The following CDK19 variants were observed in gnomAD, a reference collection of about 807,000 sequenced individuals.
The protein encoded by CDK19 is cyclin dependent kinase 19, also known as cyclin-dependent kinase 19.
In CDK19, 20 loss-of-function variants were observed where a neutral mutation model predicts 68.3. The observed-to-expected ratio is 0.29, with a 90% CI of 0.21 to 0.43. CDK19 has a LOEUF of 0.43. CDK19 is among the 20% of genes least tolerant of loss of function. The pLI is 1.00. For synonymous variants in CDK19, 221 were observed against 222.8 expected, an observed-to-expected ratio of 0.99 and a Z score of 0.07; for missense variants, 339 against 623.5, an observed-to-expected ratio of 0.54 and a Z score of 4.86.
chr6:110,682,125 T>C (rs1772070475), intron 2 of CDK19, among the ~76,000 whole-genome samples: 1 of 152,232 alleles, frequency 6.6e-6, no homozygotes, highest in African/African-American at 2.4e-5. Context: ...TTCAAGGGCA[T>C]TCTGAATGGA....
intron 1 of CDK19, among the ~76,000 whole-genome samples, chr6:110,770,366 C>T (rs1311261152): frequency 6.6e-6 from 1 of 152,164 alleles, no homozygotes; most frequent in East Asian, 1.9e-4. Flanking sequence ...AGGCGAAAGG[C>T]ACTTCTTACA....
At chr6:110,769,540 G>A (rs1414068966) in intron 1 of CDK19, among the ~76,000 whole-genome samples, 1 of 150,758 alleles carries the variant, frequency 6.6e-6, no homozygotes, top group Non-Finnish European at 1.5e-5. Flanking sequence ...ACTCTAGCCT[G>A]GGTGAGAGAG....
At chr6:110,730,326 C>A (rs1410737114) in intron 2 of CDK19, among the ~76,000 whole-genome samples, 1 of 152,172 alleles carries the variant, frequency 6.6e-6, no homozygotes, top group South Asian at 2.1e-4. Context: ...GGTTAGAGAA[C>A]TCATTTGAGA....
intron 1 of CDK19, among the ~76,000 whole-genome samples, chr6:110,798,252 G>A (rs555874131): frequency 6.6e-6 from 1 of 152,140 alleles, no homozygotes; most frequent in Non-Finnish European, 1.5e-5. Flanking sequence ...GATGGCAACT[G>A]TATTAAAGAA....
intron 2 of CDK19, among the ~76,000 whole-genome samples, chr6:110,697,879 A>C (rs1243415964): frequency 6.6e-6 from 1 of 152,220 alleles, no homozygotes; most frequent in Non-Finnish European, 1.5e-5. Context: ...CAGTCAACTG[A>C]TCTTCGACAA....
chr6:110,760,348 G>C (rs189876639), intron 1 of CDK19, among the ~76,000 whole-genome samples: 183 of 124,692 alleles, frequency 1.5e-3, no homozygotes, highest in Admixed American at 3.4e-3. Context: ...AGAGAGCCAA[G>C]ATTGTGCCAC....
At chr6:110,671,278 T>C (rs2114449301) in intron 2 of CDK19, among the ~76,000 whole-genome samples, 1 of 152,232 alleles carries the variant, frequency 6.6e-6, no homozygotes, top group Non-Finnish European at 1.5e-5. Flanking sequence ...CAGACAGCTG[T>C]TTGATAAAAT....
chr6:110,732,347 A>G (rs1290377414), intron 2 of CDK19, among the ~76,000 whole-genome samples: 1 of 152,088 alleles, frequency 6.6e-6, no homozygotes, highest in Non-Finnish European at 1.5e-5. Context: ...AAAATACCAA[A>G]AAAAATTTAG....
intron 4 of CDK19, among the ~76,000 whole-genome samples, chr6:110,655,095 C>T (rs1021966028): frequency 2.6e-5 from 4 of 152,014 alleles, no homozygotes; most frequent in Non-Finnish European, 4.4e-5. Context: ...AGGCCGGGCA[C>T]GGTAGCTCAC....
chr6:110,622,895 G>T lies in CDK19; in HGVS notation c.951C>A (p.Thr317=), dbSNP rs934507141. The T allele has an allele frequency of 6.2e-7, 1 of 1,612,064 alleles. No individual in the cohort carries two copies. ...KVFLLLQKLL[T]MDPTKRITSE... is the part of the protein sequence containing the mutation. Reference sequence around the variant, plus strand: ...AGGTAATTCTCTTGGTTGGATCCATGGTCAGGAGTTTCTGAAGCTAGAGTG... The same window carrying T: ...AGGTAATTCTCTTGGTTGGATCCATTGTCAGGAGTTTCTGAAGCTAGAGTG... The change falls in exon 10 of 13, where the codon ACC becomes ACA. Residue 317 remains threonine (T), a synonymous_variant. Transcript: ENST00000368911.
intron 2 of CDK19, among the ~76,000 whole-genome samples, chr6:110,685,948 T>C (rs950335917): frequency 1.1e-4 from 16 of 152,252 alleles, no homozygotes; most frequent in Middle Eastern, 6.8e-3. Flanking sequence ...ATGCTCCATA[T>C]GCAATCATCA....
At chr6:110,800,076 T>C (rs1782242000) in intron 1 of CDK19, among the ~76,000 whole-genome samples, 1 of 152,204 alleles carries the variant, frequency 6.6e-6, no homozygotes, top group Non-Finnish European at 1.5e-5. Context: ...AATGCTTAAG[T>C]GTTCACTTTT....
chr6:110,724,863 G>C (rs921507432), intron 2 of CDK19, among the ~76,000 whole-genome samples: 1 of 151,742 alleles, frequency 6.6e-6, no homozygotes, highest in Non-Finnish European at 1.5e-5. Flanking sequence ...TAAACACCTA[G>C]GTGGAAAATG....
intron 2 of CDK19, among the ~76,000 whole-genome samples, chr6:110,673,271 T>C (rs892147958): frequency 6.6e-6 from 1 of 152,226 alleles, no homozygotes; most frequent in South Asian, 2.1e-4. Context: ...GTAGCATGTA[T>C]GAGAATTTCA....
At chr6:110,786,842 T>C (rs377367818) in intron 1 of CDK19, among the ~76,000 whole-genome samples, 55 of 152,260 alleles carry the variant, frequency 3.6e-4, no homozygotes, top group Non-Finnish European at 7.1e-4. Context: ...GTCCAGACTT[T>C]CTTTTGTAAA....
At chr6:110,796,941 C>G (rs1562295902) in intron 1 of CDK19, among the ~76,000 whole-genome samples, 2 of 149,278 alleles carry the variant, frequency 1.3e-5, no homozygotes, top group South Asian at 2.1e-4. Context: ...ACCCAGGAGG[C>G]AGAGGTTGCA....
intron 1 of CDK19, among the ~76,000 whole-genome samples, chr6:110,784,553 T>C (rs1375104222): frequency 1.3e-5 from 2 of 152,136 alleles, no homozygotes; most frequent in African/African-American, 4.8e-5. Flanking sequence ...AATGGTACAG[T>C]TGCTTTGGGA....
chr6:110,638,276 G>A (rs1248680323), intron 5 of CDK19, among the ~76,000 whole-genome samples: 2 of 152,140 alleles, frequency 1.3e-5, no homozygotes, highest in Non-Finnish European at 2.9e-5. Context: ...AGGGTGGGGA[G>A]GAAAATATTC....
At chr6:110,717,112 A>C (rs1775464945) in intron 2 of CDK19, among the ~76,000 whole-genome samples, 1 of 152,218 alleles carries the variant, frequency 6.6e-6, no homozygotes. Context: ...TGGGCAACAG[A>C]GCAAGACTCT....
Sources: allele counts gnomAD v4.1 joint callset (sites outside exome capture counted in the v4.1 genomes callset), GRCh38; gene constraint gnomAD v4.1.1; transcripts MANE v1.5; gene names NCBI Gene and HGNC (gene_info 2026-07-23, HGNC 2026-07-21).